KLHL2: variants seen among roughly 807,000 people sequenced by gnomAD.
The protein encoded by KLHL2 is kelch-like protein 2.
Under a neutral mutation model 75.8 loss-of-function variants are expected in KLHL2, and 15 were observed. That is an observed-to-expected ratio of 0.20 (90% CI 0.13 to 0.30). KLHL2 has a LOEUF of 0.30. Among genes scored for constraint, KLHL2 ranks in the 10% least tolerant of loss-of-function variants. The pLI, the probability that KLHL2 is intolerant of heterozygous loss-of-function variation, is 1.00. For synonymous variants in KLHL2, 214 were observed against 251.9 expected, an observed-to-expected ratio of 0.85 and a Z score of 1.42; for missense variants, 381 against 741.0, an observed-to-expected ratio of 0.51 and a Z score of 5.64.
chr4:165,264,315 C>CA (rs1424842322), intron 5 of KLHL2, among the ~76,000 whole-genome samples: 4 of 151,418 alleles, frequency 2.6e-5, no homozygotes, highest in Non-Finnish European at 4.4e-5. Flanking sequence ...ATGTACCCGT[C>CA]ACCTGAGTAG....
intron 4 of KLHL2, among the ~76,000 whole-genome samples, chr4:165,244,878 GT>G (rs375511455): frequency 6.6e-6 from 1 of 152,110 alleles, no homozygotes; most frequent in Non-Finnish European, 1.5e-5. Flanking sequence ...TTGTGTGTGT[GT>G]TTTTTTTGAC....
At position 165,319,702 on chromosome 4, in the gene KLHL2, A is replaced by C. The variant is rs925361686; in HGVS notation, c.1753+1733A>C. Among the ~76,000 whole-genome samples, 6 of 152,164 alleles carry C rather than the reference A, an allele frequency of 3.9e-5. 1 individual carries two copies. The highest frequency in any genetic ancestry group is 1.3e-4 in the Admixed American group (2 of 15,270). On this transcript the variant is annotated intron_variant, in intron 14 of 14. Coordinates refer to ENST00000226725, the MANE Select transcript of KLHL2 (RefSeq NM_007246.4). This position sits in a 1 kb window ranked among gnomAD's most constrained non-coding sequence, Gnocchi z 4.5. ...AACAGCGTGATCTCAGATCACTGCAACCTCCGCCTCCCAGATTCAAACGAT... is the reference window on the plus strand; with the variant it reads ...AACAGCGTGATCTCAGATCACTGCACCCTCCGCCTCCCAGATTCAAACGAT...
At chr4:165,317,232 G>C (rs1746653813) in intron 13 of KLHL2, among the ~76,000 whole-genome samples, 1 of 151,268 alleles carries the variant, frequency 6.6e-6, no homozygotes, top group Non-Finnish European at 1.5e-5. Context: ...AAAAAATGAG[G>C]GTCAAAATAG....
rs890646322 is a variant in KLHL2 at position 165,310,541 on chromosome 4, C to T, written c.1040-12C>T. On this transcript the variant is annotated splice_polypyrimidine_tract_variant and intron_variant, in intron 9 of 14. Coordinates refer to ENST00000226725, the MANE Select transcript of KLHL2 (RefSeq NM_007246.4). Reference sequence around the variant, plus strand: ...TGCATGTTGATCATTAAATGCTGTACTCCTTTTGCAGGCATGGTCTACATG... The same window carrying T: ...TGCATGTTGATCATTAAATGCTGTATTCCTTTTGCAGGCATGGTCTACATG... 7.4e-6 allele frequency: 12 copies of T among 1,611,974 alleles called. No homozygotes were observed. Among genetic ancestry groups the T allele is most frequent in the Non-Finnish European group, 1.0e-5 (12 of 1,178,124 alleles).
At chr4:165,297,506 T>C (rs1745006380) in intron 6 of KLHL2, 103 bp from the exon 7 acceptor site, 2 of 695,980 alleles carry the variant, frequency 2.9e-6, no homozygotes, top group South Asian at 1.6e-5. Flanking sequence ...TAAACTTGGA[T>C]GTCTTAGCAA....
intron 6 of KLHL2, among the ~76,000 whole-genome samples, chr4:165,294,709 T>A (rs1315647624): frequency 6.6e-6 from 1 of 152,206 alleles, no homozygotes; most frequent in Non-Finnish European, 1.5e-5. Flanking sequence ...GGAGGTTCCC[T>A]AAATTTTTAG....
At chr4:165,262,445 AT>A (rs1302237829) in intron 4 of KLHL2, among the ~76,000 whole-genome samples, 1 of 152,212 alleles carries the variant, frequency 6.6e-6, no homozygotes, top group Non-Finnish European at 1.5e-5. Flanking sequence ...TTGTTGTGAT[AT>A]GGATTACTCT....
chr4:165,243,827 A>G (rs1405623187), intron 4 of KLHL2, among the ~76,000 whole-genome samples: 1 of 152,244 alleles, frequency 6.6e-6, no homozygotes, highest in Non-Finnish European at 1.5e-5. Flanking sequence ...GCCTGTTGAC[A>G]TAGTTGAAAA....
intron 8 of KLHL2, 100 bp from the exon 9 acceptor site, chr4:165,305,508 T>G: frequency 1.0e-6 from 1 of 952,896 alleles, no homozygotes. Flanking sequence ...CCCTATCATC[T>G]TCATCCTAAC....
intron 2 of KLHL2, among the ~76,000 whole-genome samples, chr4:165,223,505 A>G (rs576023611): frequency 3.3e-5 from 5 of 152,328 alleles, no homozygotes; most frequent in African/African-American, 9.6e-5. Context: ...GGGAGGGAAT[A>G]AACGTCATCT....
chr4:165,266,359 C>T (rs995193784), intron 5 of KLHL2, among the ~76,000 whole-genome samples: 3 of 152,096 alleles, frequency 2.0e-5, no homozygotes, highest in Non-Finnish European at 4.4e-5. Context: ...CTTTTGTTGC[C>T]ATTGCTTTTG....
chr4:165,288,587 T>A (rs1744262449), intron 5 of KLHL2, among the ~76,000 whole-genome samples: 1 of 152,224 alleles, frequency 6.6e-6, no homozygotes, highest in South Asian at 2.1e-4. Context: ...CTTGTTCATT[T>A]TTACAGATGC....
chr4:165,268,055 C>T (rs1419642587), intron 5 of KLHL2, among the ~76,000 whole-genome samples: 2 of 151,998 alleles, frequency 1.3e-5, no homozygotes, highest in Non-Finnish European at 2.9e-5. Flanking sequence ...TGTATGTGTC[C>T]AGGAATTTAT....
At chr4:165,306,663 T>G (rs979168741) in intron 9 of KLHL2, among the ~76,000 whole-genome samples, 1 of 152,204 alleles carries the variant, frequency 6.6e-6, no homozygotes, top group Non-Finnish European at 1.5e-5. Flanking sequence ...AAAAATGCCT[T>G]AATTTGTACT....
chr4:165,289,672 A>C (rs572637221), intron 5 of KLHL2, among the ~76,000 whole-genome samples: 2 of 152,094 alleles, frequency 1.3e-5, no homozygotes, highest in Non-Finnish European at 2.9e-5. Context: ...TAGATCCCAG[A>C]CTTGGTTTTG....
intron 1 of KLHL2, among the ~76,000 whole-genome samples, chr4:165,211,141 C>T (rs1737175023): frequency 6.6e-6 from 1 of 152,100 alleles, no homozygotes; most frequent in South Asian, 2.1e-4. Context: ...GAGGTTCTCA[C>T]ATTTTTGAAT....
chr4:165,318,249 A>C (rs1746724360), intron 14 of KLHL2, among the ~76,000 whole-genome samples: 1 of 152,188 alleles, frequency 6.6e-6, no homozygotes, highest in Non-Finnish European at 1.5e-5. Context: ...AGAGGAGAAG[A>C]ATTCATATGT....
chr4:165,282,187 A>G (rs1743745055), intron 5 of KLHL2, among the ~76,000 whole-genome samples: 1 of 152,234 alleles, frequency 6.6e-6, no homozygotes, highest in East Asian at 1.9e-4. Flanking sequence ...TTAAACTCTG[A>G]GATGACCTGC....
rs371850115 is a variant in KLHL2, at chr4:165,310,505, G to T, written c.1040-48G>T. ...CAGAAAGCAATCTTTGGATATTGGT[G>T]GTAGTTGAGTTGCATGTTGATCATT... On this transcript the variant is annotated intron_variant, in intron 9 of 14. Transcript: ENST00000226725. 4 of 1,451,854 alleles carry T rather than the reference G, an allele frequency of 2.8e-6. No individual in the cohort carries two copies. In the South Asian group the frequency reaches 3.4e-5, roughly 12 times the overall value. 89.9% of individuals were successfully genotyped at this position (1,451,854 alleles called of 1,614,324 possible). A position where few individuals can be genotyped will look rare whatever the true frequency, so the allele number is the denominator to read the frequency against.
Sources: allele counts gnomAD v4.1 joint callset (sites outside exome capture counted in the v4.1 genomes callset), GRCh38; gene constraint gnomAD v4.1.1; non-coding constraint Gnocchi (gnomAD v3.1); transcripts MANE v1.5; gene names NCBI Gene and HGNC (gene_info 2026-07-23, HGNC 2026-07-21).